Variants in IRAK4 observed in about 807,000 individuals in gnomAD.
IRAK4 encodes interleukin 1 receptor associated kinase 4, also known as interleukin-1 receptor-associated kinase 4.
A neutral mutation model predicts 51.8 loss-of-function variants in IRAK4; 44 were observed. That is an observed-to-expected ratio of 0.85 (90% confidence interval 0.67 to 1.09). The LOEUF (loss-of-function observed/expected upper bound fraction) is 1.09, where lower values mean the gene tolerates loss of function less well. IRAK4 is among the 50% of genes least tolerant of loss of function. The pLI is 0.00. For synonymous variants in IRAK4, 149 were observed against 174.1 expected (o/e 0.86, Z 1.13); for missense variants, 487 against 538.0 (o/e 0.91, Z 0.94).
chr12:43,783,188 TCTTTCCA>T (rs1941925741), intron 9 of IRAK4, among the ~76,000 whole-genome samples: 2 of 152,196 alleles, frequency 1.3e-5, no homozygotes. Context: ...AAGCTCATGT[TCTTTCCA>T]CTTTAATATC....
At chr12:43,777,475 A>G (rs1023607230) in intron 6 of IRAK4, among the ~76,000 whole-genome samples, 155 bp from the exon 7 acceptor site, 1 of 152,228 alleles carries the variant, frequency 6.6e-6, no homozygotes, top group African/African-American at 2.4e-5. Context: ...AAACAGTTAC[A>G]ATAAACATAT....
Position 43,782,422 on chromosome 12 carries a change from G to A in IRAK4, c.1057G>A (p.Ala353Thr), listed in dbSNP as rs140869783. 10 of 1,613,802 alleles carry A rather than the reference G, an allele frequency of 6.2e-6. No individual in the cohort carries two copies. The highest frequency in any genetic ancestry group is 7.6e-6 in the Non-Finnish European group (9 of 1,179,874). ...VMTSRIVGTT[A>T]YMAPEALRGE... Reference sequence around the variant, plus strand: ...GACTAGCAGAATTGTGGGAACAACAGCTTATATGGCACCAGAAGCTTTGCG... The same window carrying A: ...GACTAGCAGAATTGTGGGAACAACAACTTATATGGCACCAGAAGCTTTGCG... Residue 353 changes from alanine (A) to threonine (T), a missense_variant, in exon 9 of 12, where the codon GCT becomes ACT. Ala to Thr is a moderately conservative substitution (Grantham distance 58). Coordinates refer to ENST00000613694, the MANE Select transcript of IRAK4 (RefSeq NM_016123.4).
chr12:43,765,036 C>T (rs939164179), intron 1 of IRAK4, among the ~76,000 whole-genome samples: 11 of 152,284 alleles, frequency 7.2e-5, no homozygotes, highest in Middle Eastern at 3.4e-3. Context: ...GGATCATACT[C>T]GTAAAGTCAT....
chr12:43,762,724 A>G (rs549655754), intron 1 of IRAK4, among the ~76,000 whole-genome samples: 1 of 152,318 alleles, frequency 6.6e-6, no homozygotes, highest in South Asian at 2.1e-4. Flanking sequence ...AGAGATGACA[A>G]TCAGGGGAAG....
At position 43,772,956 on chromosome 12, in the gene IRAK4, A is replaced by C; in HGVS notation, c.535A>C (p.Asn179His). Reference protein sequence around the residue: ...SFYELKNVTNNFDERPISVGG... With the variant: ...SFYELKNVTNHFDERPISVGG... ...TTATGAATTGAAGAATGTCACAAAT[A>C]ACTTTGATGAACGACCCATTTCTGT... The change falls in exon 5 of 12, where the codon AAC becomes CAC. Residue 179 changes from asparagine to histidine, a missense_variant. Physicochemically the swap from Asn to His is moderately conservative, Grantham distance 68. Transcript: ENST00000613694. The C allele has an allele frequency of 6.2e-7, 1 of 1,611,118 alleles. No homozygotes were observed. Among genetic ancestry groups the C allele is most frequent in the Non-Finnish European group, 8.5e-7 (1 of 1,178,252 alleles).
chr12:43,777,575 A>G, intron 6 of IRAK4, 55 bp from the exon 7 acceptor site: 1 of 1,493,302 alleles, frequency 6.7e-7, no homozygotes, highest in Non-Finnish European at 9.1e-7. Flanking sequence ...CTTCCAACCT[A>G]TAGCTGAATA....
At chr12:43,760,378 C>T (rs971116720) in intron 1 of IRAK4, among the ~76,000 whole-genome samples, 9 of 152,198 alleles carry the variant, frequency 5.9e-5, no homozygotes, top group Non-Finnish European at 1.3e-4. Flanking sequence ...CTCCAACATC[C>T]TTTATTCCCA....
chr12:43,770,955 T>G, intron 2 of IRAK4: 1 of 626,216 alleles, frequency 1.6e-6, no homozygotes, highest in Admixed American at 2.2e-5. Context: ...GGCCCTATTT[T>G]TCTTTTTCTC....
Position 43,777,738 on chromosome 12 carries a change from T to C in IRAK4, c.825T>C (p.Ser275=), listed in dbSNP as rs140210540. ...MPNGSLLDRL[S]CLDGTPPLSW... ...ATGGTTCATTGCTAGACAGACTCTC[T>C]TGCTTGGTAAGCTATTTGTTCATCA... Residue 275 remains serine, a synonymous_variant, in exon 7 of 12, where the codon TCT becomes TCC. Coordinates refer to ENST00000613694, the MANE Select transcript of IRAK4 (RefSeq NM_016123.4). The C allele has an allele frequency of 4.0e-5, 65 of 1,608,830 alleles. No individual in the cohort carries two copies. In the African/African-American group the frequency reaches 8.5e-4, roughly 21 times the overall value.
At chr12:43,769,445 A>G (rs1354060522) in intron 2 of IRAK4, among the ~76,000 whole-genome samples, 1 of 146,030 alleles carries the variant, frequency 6.8e-6, no homozygotes, top group African/African-American at 2.5e-5. Flanking sequence ...AGATTGCTTG[A>G]GCCCAGGAGT....
chr12:43,774,123 T>C, intron 6 of IRAK4, 94 bp downstream of exon 6: 2 of 808,998 alleles, frequency 2.5e-6, no homozygotes, highest in South Asian at 2.8e-5. Context: ...GAACTAGTGA[T>C]GTTTGCACAT....
At chr12:43,779,205 G>C (rs1195845555) in intron 8 of IRAK4, among the ~76,000 whole-genome samples, 4 of 152,284 alleles carry the variant, frequency 2.6e-5, no homozygotes, top group East Asian at 3.9e-4. Flanking sequence ...CAAGGTTGAA[G>C]TGAGCTATGA....
intron 1 of IRAK4, among the ~76,000 whole-genome samples, chr12:43,759,893 A>T (rs1939293364): frequency 6.6e-6 from 1 of 151,388 alleles, no homozygotes; most frequent in African/African-American, 2.4e-5. Flanking sequence ...AAAAAAAAGC[A>T]AACCCTGAGA....
chr12:43,786,931 C>T lies in IRAK4; in HGVS notation c.*216C>T, dbSNP rs1168797709. On this transcript the variant is annotated 3_prime_UTR_variant, in exon 12 of 12. Transcript: ENST00000613694. Reference sequence around the variant, plus strand: ...CCATTAGTATCACCCCCAGTTCTTACAGTAATCCCTGAGAAATCTCCTTCA... The same window carrying T: ...CCATTAGTATCACCCCCAGTTCTTATAGTAATCCCTGAGAAATCTCCTTCA... The T allele has an allele frequency of 8.9e-6, 5 of 564,770 alleles. No homozygotes were observed. Among genetic ancestry groups the T allele is most frequent in the Non-Finnish European group, 1.6e-5 (5 of 320,886 alleles). The allele number at this position is 564,770 out of a possible 1,614,324, so 35.0% of individuals were successfully genotyped here.
At chr12:43,772,840 CAA>C in intron 4 of IRAK4, 70 bp from the exon 5 acceptor site, 2 of 1,124,456 alleles carry the variant, frequency 1.8e-6, no homozygotes, top group Non-Finnish European at 2.6e-6. Context: ...GTGAAATCTT[CAA>C]ATGAGAAAAT....
At chr12:43,772,095 T>C (rs781087501) in intron 3 of IRAK4, 85 bp from the exon 4 acceptor site, 2 of 1,063,508 alleles carry the variant, frequency 1.9e-6, no homozygotes, top group Non-Finnish European at 2.9e-6. Context: ...TGGAATGATA[T>C]TAAATGAACC....
At chr12:43,770,310 C>A (rs1940613300) in intron 2 of IRAK4, among the ~76,000 whole-genome samples, 1 of 151,914 alleles carries the variant, frequency 6.6e-6, no homozygotes, top group Admixed American at 6.6e-5. Flanking sequence ...TAAGCAGGTG[C>A]ATTTATTAAA....
intron 1 of IRAK4, among the ~76,000 whole-genome samples, chr12:43,765,321 A>G (rs1940010857): frequency 6.6e-6 from 1 of 152,202 alleles, no homozygotes; most frequent in South Asian, 2.1e-4. Context: ...TCGAAAATCG[A>G]TGTGGATGGT....
chr12:43,765,367 T>A (rs1033524818), intron 1 of IRAK4, among the ~76,000 whole-genome samples: 6 of 152,202 alleles, frequency 3.9e-5, no homozygotes, highest in African/African-American at 1.4e-4. Flanking sequence ...CATCATCTCA[T>A]CCCTTAAAAT....
Sources: gnomAD v4.1 joint callset for allele counts (sites outside exome capture counted in the v4.1 genomes callset) on GRCh38, gnomAD v4.1.1 for gene constraint, MANE v1.5 for transcripts, NCBI Gene and HGNC (gene_info 2026-07-23, HGNC 2026-07-21) for gene names.